Variants in CTIF observed in about 807,000 individuals in gnomAD.
The protein encoded by CTIF is CBP80/20-dependent translation initiation factor.
CTIF carries 21 observed loss-of-function variants against 66.0 expected under a neutral mutation model. The ratio of observed to expected loss-of-function variants is 0.32; its 90% CI spans 0.23 to 0.46. The LOEUF (loss-of-function observed/expected upper bound fraction) is 0.46. CTIF is among the 20% of genes least tolerant of loss of function. The probability of loss-of-function intolerance (pLI) is 1.00; values close to 1 mark genes in which losing one functional copy is unlikely to be tolerated. For synonymous variants in CTIF, 345 were observed against 326.4 expected, an observed-to-expected ratio of 1.06 and a Z score of -0.62; for missense variants, 739 against 812.7, an observed-to-expected ratio of 0.91 and a Z score of 1.10.
Position 48,680,492 on chromosome 18 carries a change from G to A in CTIF, c.507+9748G>A, listed in dbSNP as rs543390253. ...TCAGGGTTGAGAAGAGGCCAGCAGG[G>A]GTGCCCGGTACACAGTGAGCAGGCC... On this transcript the variant is annotated intron_variant, in intron 6 of 11. Coordinates refer to ENST00000256413, the MANE Select transcript of CTIF (RefSeq NM_014772.3). 2.6e-5 allele frequency among the ~76,000 whole-genome samples: 4 copies of A among 152,394 alleles called. No homozygotes were observed. The South Asian group carries it at 8.3e-4, about 32-fold the overall frequency.
At chr18:48,620,446 C>T (rs62102939) in intron 2 of CTIF, among the ~76,000 whole-genome samples, 1,624 of 152,308 alleles carry the variant, frequency 0.011, 19 homozygotes, top group Middle Eastern at 0.041. Context: ...CTTTGCCTAA[C>T]ACCACAAATC....
chr18:48,652,811 A>T (rs1453003352), intron 3 of CTIF, among the ~76,000 whole-genome samples: 1 of 152,242 alleles, frequency 6.6e-6, no homozygotes, highest in Non-Finnish European at 1.5e-5. Flanking sequence ...CTGGGATGCA[A>T]GGCTGGTTCA....
chr18:48,735,049 A>G lies in CTIF; in HGVS notation c.585-22870A>G, dbSNP rs557983245. ...AATATGTGTACAAGTATGTATATGC[A>G]TGTGTTATGTGCCTATGCATATGTG... On this transcript the variant is annotated intron_variant, in intron 7 of 11. Coordinates refer to ENST00000256413, the MANE Select transcript of CTIF (RefSeq NM_014772.3). Among the ~76,000 whole-genome samples, 3 of 152,158 alleles carry G rather than the reference A, an allele frequency of 2.0e-5. No individual in the cohort carries two copies. The East Asian group carries it at 5.8e-4, about 29-fold the overall frequency.
intron 10 of CTIF, among the ~76,000 whole-genome samples, chr18:48,832,443 G>T (rs1486240506): frequency 6.6e-6 from 1 of 152,146 alleles, no homozygotes; most frequent in Admixed American, 6.6e-5. Context: ...TGCTAAAGAG[G>T]GGGAAAAGGT....
intron 9 of CTIF, among the ~76,000 whole-genome samples, chr18:48,810,723 T>C (rs2068241891): frequency 6.6e-6 from 1 of 151,718 alleles, no homozygotes; most frequent in Non-Finnish European, 1.5e-5. Context: ...TGTTTCTTTT[T>C]TTTTTCTTAT....
intron 1 of CTIF, among the ~76,000 whole-genome samples, chr18:48,552,011 C>G (rs1021838646): frequency 2.0e-5 from 3 of 152,136 alleles, no homozygotes; most frequent in Non-Finnish European, 4.4e-5. Context: ...ACTGTGTCAG[C>G]CAGGATGGTC....
At position 48,761,209 on chromosome 18, in the gene CTIF, C is replaced by T; in HGVS notation, c.1072-181C>T. ...TCATAGGGGCCAAGAAAAAAGGCAA[C>T]AAGGAGCTTTTGGCGCATGAGGGGT... On this transcript the variant is annotated intron_variant, in intron 8 of 11. Coordinates refer to ENST00000256413, the MANE Select transcript of CTIF (RefSeq NM_014772.3). The surrounding 1 kb of genome is among the most constrained non-coding windows in gnomAD (Gnocchi z 4.2). 1.7e-6 allele frequency: 1 copy of T among 598,364 alleles called. No individual in the cohort carries two copies. Among genetic ancestry groups the T allele is most frequent in the Non-Finnish European group, 2.9e-6 (1 of 343,012 alleles). The allele number at this position is 598,364 out of a possible 1,614,324, so 37.1% of individuals were successfully genotyped here.
intron 1 of CTIF, among the ~76,000 whole-genome samples, chr18:48,573,762 A>T (rs963422586): frequency 6.6e-6 from 1 of 152,186 alleles, no homozygotes; most frequent in African/African-American, 2.4e-5. Context: ...CAAGGGCCAT[A>T]TCCAGCCACC....
intron 1 of CTIF, among the ~76,000 whole-genome samples, chr18:48,608,370 T>G (rs1385561329): frequency 6.6e-6 from 1 of 152,164 alleles, no homozygotes; most frequent in Non-Finnish European, 1.5e-5. Flanking sequence ...TTTTAAAATA[T>G]CTAACTGGCT....
intron 1 of CTIF, among the ~76,000 whole-genome samples, chr18:48,553,005 A>G (rs1478821829): frequency 6.6e-6 from 1 of 152,154 alleles, no homozygotes; most frequent in African/African-American, 2.4e-5. Context: ...ATCCTTCTAT[A>G]ATACAGGGAT....
intron 10 of CTIF, among the ~76,000 whole-genome samples, chr18:48,837,884 G>A (rs761130057): frequency 1.3e-5 from 2 of 152,156 alleles, no homozygotes; most frequent in African/African-American, 4.8e-5. Context: ...CTGGGTGACT[G>A]CGAGGCTAAG....
chr18:48,817,086 C>T, intron 9 of CTIF, 135 bp from the exon 10 acceptor site: 3 of 824,182 alleles, frequency 3.6e-6, no homozygotes, highest in Non-Finnish European at 5.6e-6. Context: ...CACGCACCCC[C>T]ATCCTCATTT....
chr18:48,780,798 T>C (rs1911132848), intron 9 of CTIF, among the ~76,000 whole-genome samples: 1 of 152,216 alleles, frequency 6.6e-6, no homozygotes, highest in Non-Finnish European at 1.5e-5. Context: ...CATTTCAGCA[T>C]GACCAGCATT....
intron 7 of CTIF, among the ~76,000 whole-genome samples, chr18:48,720,438 C>T (rs149108805): frequency 6.6e-6 from 1 of 152,244 alleles, no homozygotes; most frequent in Non-Finnish European, 1.5e-5. Flanking sequence ...AGCCCAGGGA[C>T]CGCGAGACAG....
chr18:48,751,838 A>C (rs1323867009), intron 7 of CTIF, among the ~76,000 whole-genome samples: 2 of 152,268 alleles, frequency 1.3e-5, no homozygotes. Context: ...ATGTGGCCTC[A>C]GGCAAACCCA....
At chr18:48,628,916 C>G (rs2090650870) in intron 2 of CTIF, among the ~76,000 whole-genome samples, 1 of 152,186 alleles carries the variant, frequency 6.6e-6, no homozygotes, top group Non-Finnish European at 1.5e-5. Flanking sequence ...AGCCTTGGGT[C>G]CCACATCAGG....
intron 6 of CTIF, among the ~76,000 whole-genome samples, chr18:48,686,148 T>C (rs2091837577): frequency 6.6e-6 from 1 of 152,250 alleles, no homozygotes; most frequent in South Asian, 2.1e-4. Flanking sequence ...TTTTAAAAAA[T>C]TCCATCTACA....
chr18:48,807,443 CTT>C (rs1359124708), intron 9 of CTIF, among the ~76,000 whole-genome samples: 5 of 152,052 alleles, frequency 3.3e-5, no homozygotes, highest in African/African-American at 9.7e-5. Context: ...TATTTCTCCT[CTT>C]TCTTTTTAAA....
At chr18:48,608,547 G>A (rs544539149) in intron 1 of CTIF, among the ~76,000 whole-genome samples, 47 of 152,242 alleles carry the variant, frequency 3.1e-4, no homozygotes, top group African/African-American at 9.6e-4. Flanking sequence ...CATTCTGAGG[G>A]GTCTCTGTGA....
Sources: gnomAD v4.1 joint callset for allele counts (sites outside exome capture counted in the v4.1 genomes callset) on GRCh38, gnomAD v4.1.1 for gene constraint, Gnocchi (gnomAD v3.1) non-coding constraint, MANE v1.5 for transcripts, NCBI Gene and HGNC (gene_info 2026-07-23, HGNC 2026-07-21) for gene names.